Variants in MAGI1 observed in about 807,000 individuals in gnomAD.
MAGI1 encodes the protein membrane-associated guanylate kinase, WW and PDZ domain-containing protein 1.
MAGI1 carries 58 observed loss-of-function variants against 139.9 expected under a neutral mutation model. That is an observed-to-expected ratio of 0.41 (90% confidence interval 0.34 to 0.52). MAGI1 has a LOEUF of 0.52. MAGI1 is among the 20% of genes least tolerant of loss of function. The probability of loss-of-function intolerance (pLI) is 0.12; values close to 1 mark genes in which losing one functional copy is unlikely to be tolerated. For missense variants in MAGI1, 1,874 were observed against 1,901.6 expected (o/e 0.99, Z 0.27); for synonymous variants, 812 against 737.9 (o/e 1.10, Z -1.63).
intron 2 of MAGI1, among the ~76,000 whole-genome samples, chr3:65,517,902 G>A (rs912966560): frequency 2.0e-5 from 3 of 152,084 alleles, no homozygotes; most frequent in Non-Finnish European, 4.4e-5. Context: ...TCCCTCTGTT[G>A]AAAAACCTAG....
At chr3:66,034,617 T>C (rs575968674) in intron 1 of MAGI1, among the ~76,000 whole-genome samples, 1 of 152,146 alleles carries the variant, frequency 6.6e-6, no homozygotes, top group Non-Finnish European at 1.5e-5. Context: ...GCCAAAGATG[T>C]AGAGCAACTG....
intron 1 of MAGI1, among the ~76,000 whole-genome samples, chr3:65,665,280 T>C (rs2086441692): frequency 6.6e-6 from 1 of 152,080 alleles, no homozygotes; most frequent in Non-Finnish European, 1.5e-5. Context: ...ATAATATATG[T>C]CCAGAAAAAG....
chr3:65,802,193 A>C (rs1353934347), intron 1 of MAGI1, among the ~76,000 whole-genome samples: 1 of 152,148 alleles, frequency 6.6e-6, no homozygotes, highest in Non-Finnish European at 1.5e-5. Flanking sequence ...CTGAGAGCCT[A>C]CTATGTGCAA....
chr3:65,436,515 T>C (rs1271035938), intron 10 of MAGI1, among the ~76,000 whole-genome samples: 1 of 152,186 alleles, frequency 6.6e-6, no homozygotes, highest in Non-Finnish European at 1.5e-5. Flanking sequence ...GTTGTAAACA[T>C]GCATAAATAC....
At chr3:65,683,456 C>G (rs1411092613) in intron 1 of MAGI1, among the ~76,000 whole-genome samples, 1 of 150,198 alleles carries the variant, frequency 6.7e-6, no homozygotes, top group East Asian at 1.9e-4. Flanking sequence ...TAAAACTGCT[C>G]TAAAAAAATA....
intron 1 of MAGI1, chr3:66,008,905 G>C (rs947263149): frequency 5.9e-5 from 9 of 152,262 alleles, no homozygotes; most frequent in African/African-American, 2.2e-4. Flanking sequence ...TTTAAGCAGG[G>C]TATGCCAGGT....
chr3:65,396,637 T>G (rs773993212), intron 13 of MAGI1, among the ~76,000 whole-genome samples: 1 of 152,236 alleles, frequency 6.6e-6, no homozygotes, highest in Non-Finnish European at 1.5e-5. Flanking sequence ...AAAGAATTCA[T>G]GTGGCTTAAA....
At chr3:65,813,000 C>T (rs1201950260) in intron 1 of MAGI1, among the ~76,000 whole-genome samples, 2 of 150,274 alleles carry the variant, frequency 1.3e-5, no homozygotes, top group African/African-American at 2.5e-5. Context: ...CTTGAGCCAC[C>T]GCGCCCAGCC....
intron 1 of MAGI1, among the ~76,000 whole-genome samples, chr3:65,826,318 T>A (rs920489331): frequency 1.3e-5 from 2 of 152,216 alleles, no homozygotes; most frequent in African/African-American, 4.8e-5. Context: ...TATACTGGCA[T>A]AAGCATATGC....
chr3:65,473,269 A>G (rs1323750714), intron 4 of MAGI1, among the ~76,000 whole-genome samples: 1 of 152,266 alleles, frequency 6.6e-6, no homozygotes, highest in African/African-American at 2.4e-5. Flanking sequence ...CAAACCACAG[A>G]TTATAGTCTT....
chr3:65,377,215 C>T (rs1942621890), intron 17 of MAGI1, among the ~76,000 whole-genome samples: 1 of 152,128 alleles, frequency 6.6e-6, no homozygotes, highest in African/African-American at 2.4e-5. Context: ...CAGAATGGAA[C>T]ACCAAGGTAA....
chr3:65,961,974 T>C (rs1357993579), intron 1 of MAGI1, among the ~76,000 whole-genome samples: 1 of 152,182 alleles, frequency 6.6e-6, no homozygotes, highest in African/African-American at 2.4e-5. Flanking sequence ...AAAAAGCTAT[T>C]TCCAAATTGG....
intron 1 of MAGI1, among the ~76,000 whole-genome samples, chr3:65,664,312 G>A (rs1171032792): frequency 6.6e-6 from 1 of 152,146 alleles, no homozygotes; most frequent in Non-Finnish European, 1.5e-5. Context: ...CTGTCTCTGA[G>A]TCTAGTAACA....
At chr3:65,840,415 T>C (rs1337885756) in intron 1 of MAGI1, among the ~76,000 whole-genome samples, 2 of 152,242 alleles carry the variant, frequency 1.3e-5, no homozygotes, top group Non-Finnish European at 2.9e-5. Context: ...ATACTCCATA[T>C]TGAGTTTAAA....
rs545675744 is a variant in MAGI1, at chr3:65,931,853, T to A, written c.313+106143A>T. On this transcript the variant is annotated intron_variant, in intron 1 of 22. Transcript: ENST00000402939. ...ACCAATGAAAATCACTACCTATATTTTTTATTGCACTGTGACTAGAGAAGG... is the reference window on the plus strand; with the variant it reads ...ACCAATGAAAATCACTACCTATATTATTTATTGCACTGTGACTAGAGAAGG... 1.0e-4 allele frequency among the ~76,000 whole-genome samples: 15 copies of A among 148,452 alleles called. No individual in the cohort carries two copies. In the East Asian group the frequency reaches 3.1e-3, roughly 30 times the overall value.
chr3:65,724,122 C>T (rs768213192), intron 1 of MAGI1, among the ~76,000 whole-genome samples: 1 of 152,232 alleles, frequency 6.6e-6, no homozygotes, highest in Non-Finnish European at 1.5e-5. Context: ...CACATGTCCT[C>T]GAGCTTTCTT....
At chr3:65,757,306 T>C (rs2036639157) in intron 1 of MAGI1, among the ~76,000 whole-genome samples, 1 of 152,144 alleles carries the variant, frequency 6.6e-6, no homozygotes, top group Non-Finnish European at 1.5e-5. Context: ...TAAACTCCAT[T>C]GTAGCTATAT....
At chr3:65,438,640 C>A (rs1281302824) in intron 9 of MAGI1, among the ~76,000 whole-genome samples, 1 of 152,200 alleles carries the variant, frequency 6.6e-6, no homozygotes, top group Non-Finnish European at 1.5e-5. Context: ...CAGTGGTTGG[C>A]AAACTATGGC....
intron 22 of MAGI1, chr3:65,360,488 A>G (rs1940728948): frequency 1.0e-6 from 1 of 985,132 alleles, no homozygotes; most frequent in Non-Finnish European, 1.2e-6. Flanking sequence ...GTCTAAAGAT[A>G]TGACAAAGGA....
Sources: allele counts gnomAD v4.1 joint callset (sites outside exome capture counted in the v4.1 genomes callset), GRCh38; gene constraint gnomAD v4.1.1; transcripts MANE v1.5; gene names NCBI Gene and HGNC (gene_info 2026-07-23, HGNC 2026-07-21).